CPNE4: variants seen among roughly 807,000 people sequenced by gnomAD.
CPNE4 encodes copine-4.
Under a neutral mutation model 67.9 loss-of-function variants are expected in CPNE4, and 25 were observed. The observed-to-expected ratio is 0.37, with a 90% CI of 0.27 to 0.51. The LOEUF (loss-of-function observed/expected upper bound fraction) is 0.51. Among genes scored for constraint, CPNE4 ranks in the 20% least tolerant of loss-of-function variants. The probability of loss-of-function intolerance (pLI) is 0.93; values close to 1 mark genes in which losing one functional copy is unlikely to be tolerated. For missense variants in CPNE4, 464 were observed against 690.8 expected (o/e 0.67, Z 3.68); for synonymous variants, 242 against 244.9 (o/e 0.99, Z 0.11).
At chr3:131,666,531 A>C (rs1229732031) in intron 7 of CPNE4, among the ~76,000 whole-genome samples, 2 of 152,220 alleles carry the variant, frequency 1.3e-5, no homozygotes, top group South Asian at 2.1e-4. Context: ...AGTTTATATC[A>C]AAAGAATTCA....
chr3:131,944,739 A>G (rs2071500201), intron 1 of CPNE4, among the ~76,000 whole-genome samples: 3 of 134,926 alleles, frequency 2.2e-5, no homozygotes, highest in Admixed American at 1.5e-4. Context: ...CTCCTAAGAT[A>G]CTGTTTTTTG....
intron 2 of CPNE4, among the ~76,000 whole-genome samples, chr3:131,844,144 A>G (rs2085903034): frequency 6.6e-6 from 1 of 152,098 alleles, no homozygotes. Flanking sequence ...TCTGTGTTGC[A>G]GTTACAGCAT....
chr3:131,966,886 C>T (rs879165675), intron 1 of CPNE4, among the ~76,000 whole-genome samples: 3 of 152,184 alleles, frequency 2.0e-5, no homozygotes, highest in African/African-American at 7.2e-5. Context: ...ATGAGGCCAG[C>T]ATCATCCTGA....
chr3:131,704,211 C>T (rs1223738687), intron 3 of CPNE4, among the ~76,000 whole-genome samples: 1 of 152,186 alleles, frequency 6.6e-6, no homozygotes, highest in Non-Finnish European at 1.5e-5. Context: ...AGGCCTCCCT[C>T]TTGCAGAGCT....
intron 7 of CPNE4, among the ~76,000 whole-genome samples, chr3:131,591,974 G>A (rs1024536030): frequency 6.6e-6 from 1 of 152,126 alleles, no homozygotes; most frequent in Non-Finnish European, 1.5e-5. Flanking sequence ...ACCTTCTCAG[G>A]TTCTTACATC....
At chr3:131,804,238 G>A (rs533502923) in intron 2 of CPNE4, among the ~76,000 whole-genome samples, 6 of 151,910 alleles carry the variant, frequency 3.9e-5, no homozygotes, top group East Asian at 1.9e-4. Context: ...TGTATATCTC[G>A]GTGGAACTCA....
At chr3:131,806,584 T>G (rs1002503724) in intron 2 of CPNE4, among the ~76,000 whole-genome samples, 1 of 151,876 alleles carries the variant, frequency 6.6e-6, no homozygotes, top group Non-Finnish European at 1.5e-5. Context: ...TAGGAACAAT[T>G]TTTATAGTTG....
intron 7 of CPNE4, among the ~76,000 whole-genome samples, chr3:131,643,709 C>G (rs113429781): frequency 1.7e-3 from 258 of 152,212 alleles, no homozygotes; most frequent in African/African-American, 6.1e-3. Context: ...ATGGGAGGGA[C>G]CTGGTGGGAG....
At chr3:131,555,675 A>G (rs529063926) in intron 11 of CPNE4, 124 bp from the exon 12 acceptor site, 1 of 740,750 alleles carries the variant, frequency 1.3e-6, no homozygotes, top group Non-Finnish European at 2.4e-6. Flanking sequence ...GTGCTGACTC[A>G]TGCTTCTTGA....
chr3:131,550,628 A>G (rs1303026235), intron 13 of CPNE4, among the ~76,000 whole-genome samples: 5 of 152,078 alleles, frequency 3.3e-5, no homozygotes, highest in Non-Finnish European at 7.4e-5. Context: ...TCCAGATGTT[A>G]TACTCTGCGG....
intron 2 of CPNE4, among the ~76,000 whole-genome samples, chr3:131,822,712 T>G (rs1206052774): frequency 2.6e-5 from 4 of 152,214 alleles, no homozygotes; most frequent in African/African-American, 9.6e-5. Context: ...ATCCATATAC[T>G]AGAGACCATT....
chr3:131,951,460 A>G (rs550584018), intron 1 of CPNE4, among the ~76,000 whole-genome samples: 23 of 152,112 alleles, frequency 1.5e-4, no homozygotes, highest in Admixed American at 2.6e-4. Context: ...CCTAATTGCC[A>G]CATTTTTCTT....
At chr3:131,919,730 TATATA>T (rs1340194075) in intron 1 of CPNE4, among the ~76,000 whole-genome samples, 4 of 152,226 alleles carry the variant, frequency 2.6e-5, no homozygotes, top group African/African-American at 4.8e-5. Flanking sequence ...AGCGTCAACC[TATATA>T]ATATGTTATT....
intron 2 of CPNE4, among the ~76,000 whole-genome samples, chr3:131,863,858 A>G (rs905420262): frequency 6.6e-6 from 1 of 152,200 alleles, no homozygotes; most frequent in African/African-American, 2.4e-5. Flanking sequence ...TTAAGTCTTT[A>G]ATCCATCTTG....
chr3:131,789,053 GA>G (rs2083643480), intron 2 of CPNE4, among the ~76,000 whole-genome samples: 1 of 151,202 alleles, frequency 6.6e-6, no homozygotes, highest in Non-Finnish European at 1.5e-5. Context: ...GAGAGAGAGA[GA>G]GAGAGAAAGA....
chr3:131,858,503 C>T (rs1452296331), intron 2 of CPNE4, among the ~76,000 whole-genome samples: 1 of 152,076 alleles, frequency 6.6e-6, no homozygotes, highest in African/African-American at 2.4e-5. Context: ...AGGAGACATG[C>T]TTTTATTTTA....
At chr3:131,995,508 T>C (rs1434049552) in intron 1 of CPNE4, among the ~76,000 whole-genome samples, 1 of 152,116 alleles carries the variant, frequency 6.6e-6, no homozygotes, top group Non-Finnish European at 1.5e-5. Context: ...CTGACACCTG[T>C]ACTTACTCGG....
intron 1 of CPNE4, among the ~76,000 whole-genome samples, chr3:131,952,434 C>T (rs1337875758): frequency 9.4e-5 from 14 of 149,694 alleles, no homozygotes; most frequent in African/African-American, 2.2e-4. Context: ...AAGTGAGGAG[C>T]GTCTCCGCCC....
chr3:131,978,490 A>ATATT (rs2072803906), intron 1 of CPNE4, among the ~76,000 whole-genome samples: 4 of 70,990 alleles, frequency 5.6e-5, no homozygotes, highest in African/African-American at 2.8e-4. Context: ...ATATATTTAT[A>ATATT]TATATTTATA....
Sources: gnomAD v4.1 joint callset for allele counts (sites outside exome capture counted in the v4.1 genomes callset) on GRCh38, gnomAD v4.1.1 for gene constraint, MANE v1.5 for transcripts, NCBI Gene and HGNC (gene_info 2026-07-23, HGNC 2026-07-21) for gene names.